The following KRTAP4-9 variants were observed in gnomAD, a reference collection of about 807,000 sequenced individuals.
The protein encoded by KRTAP4-9 is keratin associated protein 4-9.
In KRTAP4-9, 4 loss-of-function variants were observed where a neutral mutation model predicts 4.3. The observed-to-expected ratio is 0.94, with a 90% CI of 0.46 to 2.15. The LOEUF (loss-of-function observed/expected upper bound fraction) is 2.15. KRTAP4-9 is among the 30% of genes most tolerant of loss of function. The pLI, the probability that KRTAP4-9 is intolerant of heterozygous loss-of-function variation, is 0.02. For synonymous variants in KRTAP4-9, 111 were observed against 99.2 expected, an observed-to-expected ratio of 1.12 and a Z score of -0.70; for missense variants, 297 against 278.5, an observed-to-expected ratio of 1.07 and a Z score of -0.47.
At chr17:41,105,586 C>T (rs776204674) in exon 1 of KRTAP4-9, 11 of 1,568,176 alleles carry the variant, frequency 7.0e-6, no homozygotes, top group Admixed American at 1.9e-5. Context: ...CTTGTTCCCG[C>T]CCCAGCTGCT....
In KRTAP4-9 at chr17:41,105,476, T is replaced by C. The variant is rs566685940; in HGVS notation, c.88T>C (p.Cys30Arg). 109 of 1,603,930 alleles carry C rather than the reference T, an allele frequency of 6.8e-5. 1 individual carries two copies. The South Asian group carries it at 1.1e-3, about 17-fold the overall frequency. The change falls in exon 1 of 1, where the codon TGT (cysteine) becomes CGT (arginine). Residue 30 changes from cysteine to arginine, a missense_variant. Cys to Arg is a radical substitution (Grantham distance 180). Coordinates refer to ENST00000391415, the Ensembl canonical transcript of KRTAP4-9. Reference sequence around the variant, plus strand: ...GGAGACCTGCTGCCGCCCCAGCTGCTGTGAGACCACCTGCTGCAGGACCAC... The same window carrying C: ...GGAGACCTGCTGCCGCCCCAGCTGCCGTGAGACCACCTGCTGCAGGACCAC...
At chr17:41,105,944 C>T in exon 1 of KRTAP4-9, 1 of 1,605,740 alleles carries the variant, frequency 6.2e-7, no homozygotes, top group East Asian at 2.2e-5. Context: ...AGTCTCCTGC[C>T]ACACCACTTG....
At chr17:41,105,632 C>T in exon 1 of KRTAP4-9, 1 of 1,599,944 alleles carries the variant, frequency 6.3e-7, no homozygotes. Context: ...CTGCTACCGC[C>T]CCAGCTGTTG....
At chr17:41,106,251 T>A in exon 1 of KRTAP4-9, 3 of 758,446 alleles carry the variant, frequency 4.0e-6, no homozygotes, top group Admixed American at 3.3e-5. Context: ...CAAATGTGAA[T>A]TAATTTGTAA....
At chr17:41,106,016 T>A in exon 1 of KRTAP4-9, 1 of 1,581,176 alleles carries the variant, frequency 6.3e-7, no homozygotes, top group Non-Finnish European at 8.6e-7. Context: ...CTCCTCTTGC[T>A]GCTGAGCCCA....
Position 41,105,761 on chromosome 17 carries a change from T to G in KRTAP4-9, c.373T>G (p.Cys125Gly), listed in dbSNP as rs772135469. Residue 125 changes from cysteine (C) to glycine (G), a missense_variant, in exon 1 of 1, where the codon TGT (cysteine) becomes GGT (glycine). Coordinates refer to ENST00000391415, the Ensembl canonical transcript of KRTAP4-9. ...CCCTAGGTGCTGCATCTCCAGCTGC[T>G]GTCGCCCCAGCTGCTGTGTGTCCAG... is the stretch of plus-strand genomic sequence containing the variant. The G allele has an allele frequency of 7.5e-6, 12 of 1,601,860 alleles. 1 individual carries two copies. The East Asian group carries it at 2.7e-4, about 36-fold the overall frequency.
exon 1 of KRTAP4-9, chr17:41,105,472 C>A: frequency 6.2e-7 from 1 of 1,603,334 alleles, no homozygotes; most frequent in African/African-American, 1.4e-5. Context: ...GCCGCCCCAG[C>A]TGCTGTGAGA....
exon 1 of KRTAP4-9, chr17:41,105,754 C>T (rs2014075741): frequency 6.2e-7 from 1 of 1,601,960 alleles, no homozygotes; most frequent in Non-Finnish European, 8.5e-7. Flanking sequence ...GCTGCATCTC[C>T]AGCTGCTGTC....
exon 1 of KRTAP4-9, chr17:41,106,214 G>C: frequency 9.3e-7 from 1 of 1,073,668 alleles, no homozygotes. Flanking sequence ...TCCCTCCCTT[G>C]CTTTCTTTTT....
At chr17:41,105,478 T>TGAGACCACCTGCTGC (rs1444223180) in exon 1 of KRTAP4-9, 1 of 1,602,502 alleles carries the variant, frequency 6.2e-7, no homozygotes, top group African/African-American at 1.4e-5. Flanking sequence ...CCAGCTGCTG[T>TGAGACCACCTGCTGC]GAGACCACCT....
Position 41,106,163 on chromosome 17 carries a change from A to G in KRTAP4-9, c.*142A>G, listed in dbSNP as rs1201736783. 3.4e-5 allele frequency: 46 copies of G among 1,354,626 alleles called. 1 individual carries two copies. In the Admixed American group the frequency reaches 1.3e-3, roughly 39 times the overall value. 83.9% of individuals were successfully genotyped at this position (1,354,626 alleles called of 1,614,324 possible). On this transcript the variant is annotated 3_prime_UTR_variant, in exon 1 of 1. Coordinates refer to ENST00000391415, the Ensembl canonical transcript of KRTAP4-9. The stretch of plus-strand genomic sequence containing the variant: ...TCATGTTTCCAATGAGCCCATCACC[A>G]TTTCACTGACTCTTTGAGAACATTC...
chr17:41,106,158 T>C lies in KRTAP4-9; in HGVS notation c.*137T>C, dbSNP rs920340355. On this transcript the variant is annotated 3_prime_UTR_variant, in exon 1 of 1. Coordinates refer to ENST00000391415, the Ensembl canonical transcript of KRTAP4-9. ...GGAACTCATGTTTCCAATGAGCCCA[T>C]CACCATTTCACTGACTCTTTGAGAA... is the stretch of plus-strand genomic sequence containing the variant. 3.7e-6 allele frequency: 5 copies of C among 1,364,630 alleles called. No individual in the cohort carries two copies. The African/African-American group carries it at 5.9e-5, about 16-fold the overall frequency. 84.5% of individuals were successfully genotyped at this position (1,364,630 alleles called of 1,614,324 possible).
At chr17:41,106,065 G>T in exon 1 of KRTAP4-9, 2 of 1,534,114 alleles carry the variant, frequency 1.3e-6, no homozygotes, top group African/African-American at 1.4e-5. Flanking sequence ...CTGGCCCACA[G>T]ATGTAGACCC....
exon 1 of KRTAP4-9, chr17:41,106,047 C>T (rs771174162): frequency 1.1e-5 from 17 of 1,553,728 alleles, no homozygotes; most frequent in Non-Finnish European, 1.4e-5. Flanking sequence ...TTATCTCCCC[C>T]TTCACCACTG....
chr17:41,105,429 G>T lies in KRTAP4-9; in HGVS notation c.41G>T (p.Gly14Val), dbSNP rs754908218. ...TGTGGCTCCGTGTGCTCTGACCAGG[G>T]CTGCGGCCAAGACCTCTGTCAGGAG... The change falls in exon 1 of 1, where the codon GGC becomes GTC. Residue 14 changes from glycine (G) to valine (V), a missense_variant. Physicochemically the swap from Gly to Val is moderately radical, Grantham distance 109. Transcript: ENST00000391415. 1.3e-4 allele frequency: 206 copies of T among 1,612,560 alleles called. No homozygotes were observed. The highest frequency in any genetic ancestry group is 1.2e-4 in the Non-Finnish European group (143 of 1,179,534).
exon 1 of KRTAP4-9, chr17:41,105,576 C>G (rs769086999): frequency 6.4e-6 from 10 of 1,566,880 alleles, no homozygotes; most frequent in African/African-American, 1.5e-5. Context: ...TGCCAACCCA[C>G]TTGTTCCCGC....
At chr17:41,105,861 G>A in exon 1 of KRTAP4-9, 1 of 1,531,672 alleles carries the variant, frequency 6.5e-7, no homozygotes, top group Non-Finnish European at 8.6e-7. Flanking sequence ...AGCATCTCCA[G>A]CTGCTGCCGC....
chr17:41,106,039 A>T (rs779897912), exon 1 of KRTAP4-9: 25 of 1,562,270 alleles, frequency 1.6e-5, no homozygotes, highest in Non-Finnish European at 2.0e-5. Context: ...GCCCTGGCTT[A>T]TCTCCCCCTT....
chr17:41,105,425 C>A (rs1406790606), exon 1 of KRTAP4-9: 1 of 1,612,212 alleles, frequency 6.2e-7, no homozygotes, highest in Non-Finnish European at 8.5e-7. Context: ...GTGCTCTGAC[C>A]AGGGCTGCGG....
Sources: allele counts gnomAD v4.1 joint callset, GRCh38; gene constraint gnomAD v4.1.1; transcripts MANE v1.5; gene names NCBI Gene and HGNC (gene_info 2026-07-23, HGNC 2026-07-21).